TRAPPC8: variants seen among roughly 807,000 people sequenced by gnomAD.
TRAPPC8 encodes the protein general sporulation gene 1 homolog.
A neutral mutation model predicts 174.3 loss-of-function variants in TRAPPC8; 54 were observed. The ratio of observed to expected loss-of-function variants is 0.31; its 90% CI spans 0.25 to 0.39. The LOEUF is 0.39. TRAPPC8 is among the 10% of genes least tolerant of loss of function. The pLI is 1.00. For synonymous variants in TRAPPC8, 630 were observed against 579.9 expected (o/e 1.09, Z -1.24); for missense variants, 1,531 against 1,699.1 (o/e 0.90, Z 1.74).
chr18:31,912,971 T>C (rs1047969348), intron 5 of TRAPPC8, among the ~76,000 whole-genome samples: 1 of 151,792 alleles, frequency 6.6e-6, no homozygotes, highest in Non-Finnish European at 1.5e-5. Context: ...CTACTAAAAA[T>C]ACAAAAATTT....
At chr18:31,874,090 A>G (rs1384904486) in intron 13 of TRAPPC8, 4 of 233,600 alleles carry the variant, frequency 1.7e-5, no homozygotes, top group Non-Finnish European at 3.3e-5. Flanking sequence ...ATACCCCCTC[A>G]TCTTTCACAA....
intron 5 of TRAPPC8, 39 bp from the exon 6 acceptor site, chr18:31,909,799 T>G (rs2036831384): frequency 2.3e-6 from 3 of 1,301,542 alleles, no homozygotes; most frequent in Non-Finnish European, 3.2e-6. Flanking sequence ...GCAGTTATAC[T>G]TAATCATACT....
At position 31,908,853 on chromosome 18, in the gene TRAPPC8, T is replaced by C; in HGVS notation, c.1023A>G (p.Thr341=). ...GTCGAATTCTATCATGATCAGTAAG[T>C]GTTAAACATGCACCATGAATTATTC... is the stretch of plus-strand genomic sequence containing the variant. ...NTGIIHGACL[T]LTDHDRIRQF... The change falls in exon 7 of 29, where the codon ACA becomes ACG. Residue 341 remains threonine (T), a synonymous_variant. Transcript: ENST00000283351. 2 of 1,613,808 alleles carry C rather than the reference T, an allele frequency of 1.2e-6. No homozygotes were observed.
At position 31,906,347 on chromosome 18, in the gene TRAPPC8, A is replaced by C. The variant is rs559674730; in HGVS notation, c.1389+1113T>G. Among the ~76,000 whole-genome samples the C allele has an allele frequency of 7.2e-5, 11 of 151,938 alleles. No homozygotes were observed. The South Asian group carries it at 2.1e-3, about 29-fold the overall frequency. ...AAGTGGGCTGACTTTTTTCATTAAAAAATTAGAGAACCAGAAAGCAATAGT... is the reference window on the plus strand; with the variant it reads ...AAGTGGGCTGACTTTTTTCATTAAACAATTAGAGAACCAGAAAGCAATAGT... On this transcript the variant is annotated intron_variant, in intron 9 of 28. Coordinates refer to ENST00000283351, the MANE Select transcript of TRAPPC8 (RefSeq NM_014939.5).
In TRAPPC8 at chr18:31,942,868, G is replaced by A; in HGVS notation, c.-104C>T. On this transcript the variant is annotated 5_prime_UTR_variant, in exon 1 of 29. Transcript: ENST00000283351. Reference sequence around the variant, plus strand: ...CGCCGCCCGCCGGCCTGGCCCGGCCGGGCGGGGCCCCGAACGCACTGGAGC... The same window carrying A: ...CGCCGCCCGCCGGCCTGGCCCGGCCAGGCGGGGCCCCGAACGCACTGGAGC... 1 of 1,256,306 alleles carries A rather than the reference G, an allele frequency of 8.0e-7. No homozygotes were observed. Among genetic ancestry groups the A allele is most frequent in the Admixed American group, 4.2e-5 (1 of 23,724 alleles). The allele number at this position is 1,256,306 out of a possible 1,614,324, so 77.8% of individuals were successfully genotyped here.
chr18:31,873,353 T>C (rs1431663258), intron 14 of TRAPPC8, 77 bp downstream of exon 14: 1 of 1,240,284 alleles, frequency 8.1e-7, no homozygotes. Flanking sequence ...CTATACATCG[T>C]TTTTTAAATG....
chr18:31,870,135 G>T, intron 16 of TRAPPC8: 1 of 273,746 alleles, frequency 3.7e-6, no homozygotes, highest in Non-Finnish European at 6.8e-6. Context: ...AAGATACACA[G>T]CAAAATGTTA....
intron 1 of TRAPPC8, among the ~76,000 whole-genome samples, chr18:31,935,965 T>C (rs2038079908): frequency 6.6e-6 from 1 of 151,408 alleles, no homozygotes; most frequent in Admixed American, 6.6e-5. Context: ...TCTCAAACTC[T>C]TGACCTCATG....
Position 31,908,801 on chromosome 18 carries a change from C to T in TRAPPC8, c.1075G>A (p.Gly359Ser), listed in dbSNP as rs773179503. 6.2e-7 allele frequency: 1 copy of T among 1,611,082 alleles called. No homozygotes were observed. Among genetic ancestry groups the T allele is most frequent in the South Asian group, 1.1e-5 (1 of 90,694 alleles). Residue 359 changes from glycine (G) to serine (S), a missense_variant, in exon 7 of 29, where the codon GGC becomes AGC. Physicochemically the swap from Gly to Ser is moderately conservative, Grantham distance 56. Transcript: ENST00000283351. ...GTTTTCTCTATATGTGGCAAAAGGC[C>T]CCGAAATGTGAACTCTTGTATAAAC... Reference protein sequence around the residue: ...RQFIQEFTFRGLLPHIEKTIR... With the variant: ...RQFIQEFTFRSLLPHIEKTIR...
chr18:31,885,814 C>T (rs906157875), intron 12 of TRAPPC8, among the ~76,000 whole-genome samples: 1 of 151,234 alleles, frequency 6.6e-6, no homozygotes, highest in Non-Finnish European at 1.5e-5. Flanking sequence ...GAGCCGAGAT[C>T]GCGCCATTGC....
At chr18:31,908,706 C>A in intron 7 of TRAPPC8, 48 bp downstream of exon 7, 2 of 1,443,934 alleles carry the variant, frequency 1.4e-6, no homozygotes, top group Non-Finnish European at 1.8e-6. Flanking sequence ...CTTAAATTTA[C>A]TATTTACTTA....
Position 31,916,462 on chromosome 18 carries a change from A to T in TRAPPC8, c.443-16T>A, listed in dbSNP as rs2037150592. On this transcript the variant is annotated splice_polypyrimidine_tract_variant and intron_variant, in intron 3 of 28. Transcript: ENST00000283351. ...ACCAACATACCTTGTAAACCATATT[A>T]TTAAGGTAATTATCGCTTATTACTC... The T allele has an allele frequency of 1.3e-6, 2 of 1,594,232 alleles. No homozygotes were observed. The highest frequency in any genetic ancestry group is 1.7e-6 in the Non-Finnish European group (2 of 1,172,230).
intron 9 of TRAPPC8, among the ~76,000 whole-genome samples, chr18:31,906,843 C>T (rs1191841719): frequency 6.6e-6 from 1 of 152,074 alleles, no homozygotes; most frequent in African/African-American, 2.4e-5. Context: ...CATTAGGATT[C>T]GCATATTTTA....
chr18:31,932,769 G>A (rs1022239962), intron 1 of TRAPPC8, among the ~76,000 whole-genome samples: 1 of 151,628 alleles, frequency 6.6e-6, no homozygotes, highest in East Asian at 2.0e-4. Flanking sequence ...ATCACCTGAG[G>A]TCAGGAGTTC....
Position 31,942,921 on chromosome 18 carries a change from C to T in TRAPPC8, c.-157G>A. 2 of 1,235,566 alleles carry T rather than the reference C, an allele frequency of 1.6e-6. No homozygotes were observed. Among genetic ancestry groups the T allele is most frequent in the Non-Finnish European group, 1.0e-6 (1 of 988,550 alleles). 76.5% of individuals were successfully genotyped at this position (1,235,566 alleles called of 1,614,324 possible). On this transcript the variant is annotated 5_prime_UTR_variant, in exon 1 of 29. Coordinates refer to ENST00000283351, the MANE Select transcript of TRAPPC8 (RefSeq NM_014939.5). Reference sequence around the variant, plus strand: ...AGAAACAAGAAGGAACAGACGCCGCCGCTTCGGTTTCTGGGGCACAATCCA... The same window carrying T: ...AGAAACAAGAAGGAACAGACGCCGCTGCTTCGGTTTCTGGGGCACAATCCA...
intron 2 of TRAPPC8, among the ~76,000 whole-genome samples, chr18:31,920,172 T>G (rs552280711): frequency 1.3e-5 from 2 of 152,374 alleles, no homozygotes; most frequent in Admixed American, 1.3e-4. Context: ...TTATTTTTTC[T>G]ATTTACTTTG....
chr18:31,918,415 T>C (rs528301358), intron 2 of TRAPPC8, among the ~76,000 whole-genome samples: 29 of 152,266 alleles, frequency 1.9e-4, no homozygotes, highest in African/African-American at 7.0e-4. Context: ...ACACTTAGCA[T>C]AGAGGTTCTC....
intron 13 of TRAPPC8, 55 bp downstream of exon 13, chr18:31,874,424 CT>C (rs913072467): frequency 4.0e-6 from 6 of 1,482,212 alleles, no homozygotes; most frequent in African/African-American, 1.4e-5. Flanking sequence ...TAAATAAATA[CT>C]TTCACACTAA....
In TRAPPC8 at chr18:31,890,987, T is replaced by C. The variant is rs1253601682; in HGVS notation, c.1597-121A>G. On this transcript the variant is annotated intron_variant, in intron 11 of 28. Coordinates refer to ENST00000283351, the MANE Select transcript of TRAPPC8 (RefSeq NM_014939.5). ...ATATCCAATGTTTAACTTAAGAGTA[T>C]ATGAGGGCAAAGATCAAGGGGAAAA... 6 of 876,304 alleles carry C rather than the reference T, an allele frequency of 6.8e-6. No homozygotes were observed. In the East Asian group the frequency reaches 1.4e-4, roughly 20 times the overall value. The allele number at this position is 876,304 out of a possible 1,614,324, so 54.3% of individuals were successfully genotyped here. A position where few individuals can be genotyped will look rare whatever the true frequency, so the allele number is the denominator to read the frequency against.
Sources: gnomAD v4.1 joint callset for allele counts (sites outside exome capture counted in the v4.1 genomes callset) on GRCh38, gnomAD v4.1.1 for gene constraint, MANE v1.5 for transcripts, NCBI Gene and HGNC (gene_info 2026-07-23, HGNC 2026-07-21) for gene names.